The following OR56A3 variants were observed in gnomAD, a reference collection of about 807,000 sequenced individuals.
The protein encoded by OR56A3 is olfactory receptor family 56 subfamily A member 3, also known as olfactory receptor 56A3.
In OR56A3, 23 loss-of-function variants were observed where a neutral mutation model predicts 17.5. The ratio of observed to expected loss-of-function variants is 1.32; its 90% CI spans 0.95 to 1.87. OR56A3 has a LOEUF of 1.87. Among genes scored for constraint, OR56A3 ranks in the 40% most tolerant of loss-of-function variants. The pLI, the probability that OR56A3 is intolerant of heterozygous loss-of-function variation, is 0.00. For synonymous variants in OR56A3, 175 were observed against 150.6 expected (o/e 1.16, Z -1.19); for missense variants, 366 against 380.1 (o/e 0.96, Z 0.31).
chr11:6,010,851 G>GCC, the OR56A3 span, among the ~76,000 whole-genome samples: 1 of 150,832 alleles, frequency 6.6e-6, no homozygotes, highest in East Asian at 1.9e-4. Flanking sequence ...GTGTGTGTGT[G>GCC]CACGTGAATG....
At chr11:5,943,360 C>T (rs1400045713) in intron 1 of OR56A3, 1 of 152,072 alleles carries the variant, frequency 6.6e-6, no homozygotes, top group Non-Finnish European at 1.5e-5. Flanking sequence ...GCCTAAGTCA[C>T]TAGATCTTCC....
chr11:5,997,155 T>C, the OR56A3 span, among the ~76,000 whole-genome samples: 4 of 152,160 alleles, frequency 2.6e-5, no homozygotes, highest in African/African-American at 9.7e-5. Context: ...TTTAAATGGG[T>C]AGTGTACAGC....
the OR56A3 span, among the ~76,000 whole-genome samples, chr11:5,965,793 T>C: frequency 6.6e-6 from 1 of 152,070 alleles, no homozygotes; most frequent in African/African-American, 2.4e-5. Context: ...GATGGGTTTG[T>C]GGAGTAGGTG....
chr11:5,994,761 C>T, the OR56A3 span: 6 of 766,728 alleles, frequency 7.8e-6, no homozygotes, highest in Non-Finnish European at 2.4e-6. Flanking sequence ...GCCCTCTGGT[C>T]CTCAAAGGTC....
the OR56A3 span, chr11:5,967,893 T>A: frequency 6.7e-5 from 107 of 1,585,882 alleles, no homozygotes; most frequent in Admixed American, 8.1e-4. Flanking sequence ...AACAAACTGG[T>A]AGCTCTGATT....
chr11:5,996,906 A>G, the OR56A3 span, among the ~76,000 whole-genome samples: 1 of 152,248 alleles, frequency 6.6e-6, no homozygotes, highest in Non-Finnish European at 1.5e-5. Context: ...TTTCTGTCCC[A>G]GACAGAGAAG....
At chr11:5,961,121 G>A in the OR56A3 span, among the ~76,000 whole-genome samples, 49 of 149,906 alleles carry the variant, frequency 3.3e-4, no homozygotes, top group East Asian at 2.2e-3. Context: ...CAGCCGCCCC[G>A]TCCGGGAGGT....
chr11:6,013,965 AG>A, the OR56A3 span, among the ~76,000 whole-genome samples: 1 of 152,200 alleles, frequency 6.6e-6, no homozygotes, highest in African/African-American at 2.4e-5. Flanking sequence ...CAGAGGCCCA[AG>A]GATCAGCACA....
the OR56A3 span, chr11:6,006,265 A>G: frequency 6.6e-6 from 1 of 152,224 alleles, no homozygotes; most frequent in Non-Finnish European, 1.5e-5. Context: ...ATTCCTTAAT[A>G]GCTGGAATGA....
the OR56A3 span, among the ~76,000 whole-genome samples, chr11:6,011,223 C>CATATATATATATATATATATATAT: frequency 6.9e-6 from 1 of 145,490 alleles, no homozygotes; most frequent in South Asian, 2.2e-4. Context: ...TATATATATA[C>CATATATATATATATATATATATAT]ACACATATAT....
the OR56A3 span, among the ~76,000 whole-genome samples, chr11:6,011,223 C>CATAT: frequency 6.9e-6 from 1 of 145,488 alleles, no homozygotes; most frequent in South Asian, 2.2e-4. Flanking sequence ...TATATATATA[C>CATAT]ACACATATAT....
At chr11:5,958,665 C>A in the OR56A3 span, among the ~76,000 whole-genome samples, 1 of 152,098 alleles carries the variant, frequency 6.6e-6, no homozygotes, top group Non-Finnish European at 1.5e-5. Flanking sequence ...GGCTTTTCAA[C>A]AATACAATGT....
chr11:5,975,945 A>C, the OR56A3 span, among the ~76,000 whole-genome samples: 13 of 151,972 alleles, frequency 8.6e-5, no homozygotes, highest in Non-Finnish European at 1.6e-4. Context: ...AAACATCCAC[A>C]TTCTGCAAAC....
the OR56A3 span, among the ~76,000 whole-genome samples, chr11:5,963,494 T>C: frequency 6.6e-6 from 1 of 152,136 alleles, no homozygotes; most frequent in Non-Finnish European, 1.5e-5. Flanking sequence ...AAATATATTT[T>C]TCACTCAGCA....
downstream of OR56A3, among the ~76,000 whole-genome samples, chr11:5,953,199 C>G (rs1411717537): frequency 6.6e-6 from 1 of 152,174 alleles, no homozygotes; most frequent in Non-Finnish European, 1.5e-5. Context: ...GATGGTAATT[C>G]TGTTTTAAGC....
the OR56A3 span, among the ~76,000 whole-genome samples, chr11:5,991,632 C>T: frequency 6.6e-6 from 1 of 152,160 alleles, no homozygotes; most frequent in African/African-American, 2.4e-5. Flanking sequence ...AGAAATAACC[C>T]CTGTCACAAG....
At chr11:5,964,082 T>C in the OR56A3 span, among the ~76,000 whole-genome samples, 1 of 152,226 alleles carries the variant, frequency 6.6e-6, no homozygotes, top group Non-Finnish European at 1.5e-5. Context: ...TTCAATTTCT[T>C]TGTAATATTT....
the OR56A3 span, among the ~76,000 whole-genome samples, chr11:5,964,390 C>A: frequency 6.6e-6 from 1 of 152,188 alleles, no homozygotes; most frequent in Non-Finnish European, 1.5e-5. Context: ...AACAATAAGC[C>A]TGTCCAGAGA....
At chr11:5,968,107 A>G in the OR56A3 span, 7 of 1,614,024 alleles carry the variant, frequency 4.3e-6, no homozygotes, top group African/African-American at 1.3e-5. Context: ...AGGGGCTTGC[A>G]GATGGCCACA....
Sources: gnomAD v4.1 joint callset for allele counts (sites outside exome capture counted in the v4.1 genomes callset) on GRCh38, gnomAD v4.1.1 for gene constraint, MANE v1.5 for transcripts, NCBI Gene and HGNC (gene_info 2026-07-23, HGNC 2026-07-21) for gene names.